The following PDE1C variants were observed in gnomAD, a reference collection of about 807,000 sequenced individuals.
PDE1C encodes phosphodiesterase 1C.
In PDE1C, 62 loss-of-function variants were observed where a neutral mutation model predicts 93.1. The ratio of observed to expected loss-of-function variants is 0.67; its 90% CI spans 0.54 to 0.82. PDE1C has a LOEUF of 0.82. Among genes scored for constraint, PDE1C ranks in the 40% least tolerant of loss-of-function variants. PDE1C has a pLI of 0.00. For missense variants in PDE1C, 742 were observed against 884.6 expected, an observed-to-expected ratio of 0.84 and a Z score of 2.04; for synonymous variants, 325 against 310.1, an observed-to-expected ratio of 1.05 and a Z score of -0.50.
chr7:32,010,090 T>C (rs773308242), intron 2 of PDE1C, among the ~76,000 whole-genome samples: 1 of 152,238 alleles, frequency 6.6e-6, no homozygotes, highest in Non-Finnish European at 1.5e-5. Context: ...GTTAAGATAT[T>C]ATCTCCTCAA....
At chr7:31,694,387 A>ACACACACACACACAC in the PDE1C span, among the ~76,000 whole-genome samples, 2 of 141,596 alleles carry the variant, frequency 1.4e-5, no homozygotes, top group Non-Finnish European at 3.1e-5. Flanking sequence ...CTCTCTCTCA[A>ACACACACACACACAC]ACACACACAC....
At chr7:31,991,863 C>G (rs532826925) in intron 2 of PDE1C, among the ~76,000 whole-genome samples, 1 of 152,290 alleles carries the variant, frequency 6.6e-6, no homozygotes, top group East Asian at 1.9e-4. Context: ...GCTTCCTTTT[C>G]CCTGGACACA....
At chr7:31,915,781 A>G (rs73308628) in intron 2 of PDE1C, among the ~76,000 whole-genome samples, 10,239 of 152,234 alleles carry the variant, frequency 0.067, 531 homozygotes, top group African/African-American at 0.15. Context: ...AAAGATTAAC[A>G]AGAGGAAAGC....
chr7:31,901,352 AC>A (rs1280814500), intron 2 of PDE1C, among the ~76,000 whole-genome samples: 2 of 151,652 alleles, frequency 1.3e-5, no homozygotes, highest in African/African-American at 4.8e-5. Context: ...AGGTTCAATA[AC>A]ATTTAAAAAT....
At chr7:31,850,605 C>T in intron 8 of PDE1C, 36 bp downstream of exon 8, 1 of 1,377,336 alleles carries the variant, frequency 7.3e-7, no homozygotes, top group Non-Finnish European at 1.0e-6. Flanking sequence ...TCTCTGACCC[C>T]TCTTGCCTCT....
At position 32,420,101 on chromosome 7, in the gene PDE1C, A is replaced by ATG. The variant is rs1177136177; in HGVS notation, c.310+7720_310+7721insCA. 1.6e-4 allele frequency among the ~76,000 whole-genome samples: 3 copies of ATG among 19,176 alleles called. 1 individual carries two copies. The allele number at this position is 19,176 out of a possible 152,430, so 12.6% of individuals were successfully genotyped here. ...TAGCCAGGTGTGGTGGCATATATAT[A>ATG]TATATATATATATATATATATATAC... On this transcript the variant is annotated intron_variant, in intron 1 of 1. Coordinates refer to the PDE1C transcript ENST00000672256.
rs1805842245 is a variant in PDE1C at position 32,209,362 on chromosome 7, G to T, written c.136+127C>A. 6.2e-5 allele frequency: 49 copies of T among 785,666 alleles called. No individual in the cohort carries two copies. The South Asian group carries it at 8.8e-4, about 14-fold the overall frequency. 48.7% of individuals were successfully genotyped at this position (785,666 alleles called of 1,614,324 possible). A position where few individuals can be genotyped will look rare whatever the true frequency, so the allele number is the denominator to read the frequency against. On this transcript the variant is annotated intron_variant, in intron 2 of 18. Coordinates refer to the PDE1C transcript ENST00000396193. ...GGCTCAAGTGGGATGTTAACCAGAT[G>T]ATATTTCCTGCATTACTATTTTATT... is the stretch of plus-strand genomic sequence containing the variant.
chr7:31,927,777 T>C (rs1803595351), intron 2 of PDE1C, among the ~76,000 whole-genome samples: 1 of 151,762 alleles, frequency 6.6e-6, no homozygotes, highest in Non-Finnish European at 1.5e-5. Context: ...AAAAACCCCA[T>C]CCAAAGGCCA....
Position 32,348,612 on chromosome 7 carries a change from C to T in PDE1C, c.310+79210G>A, listed in dbSNP as rs1783899193. Among the ~76,000 whole-genome samples, 3 of 152,090 alleles carry T rather than the reference C, an allele frequency of 2.0e-5. 1 individual carries two copies. In the South Asian group the frequency reaches 6.2e-4, roughly 32 times the overall value. ...TCTCCTGACCTTGTGATCCTCCTGA[C>T]TCGGCCTCCCAAAGTGCTGGGATTA... On this transcript the variant is annotated intron_variant, in intron 1 of 1. Coordinates refer to the PDE1C transcript ENST00000672256.
At chr7:32,143,314 T>C (rs758540704) in intron 3 of PDE1C, among the ~76,000 whole-genome samples, 4 of 150,578 alleles carry the variant, frequency 2.7e-5, no homozygotes, top group Non-Finnish European at 5.9e-5. Context: ...TGATCCCACA[T>C]ACGAGATGAC....
intron 1 of PDE1C, among the ~76,000 whole-genome samples, chr7:32,372,654 T>C (rs868563189): frequency 6.6e-6 from 1 of 152,196 alleles, no homozygotes; most frequent in South Asian, 2.1e-4. Context: ...TAAAATTTGC[T>C]GTACTTCGAA....
chr7:31,740,138 G>C, the PDE1C span, among the ~76,000 whole-genome samples: 2 of 151,212 alleles, frequency 1.3e-5, no homozygotes, highest in African/African-American at 2.5e-5. Context: ...TGAAGGGCTA[G>C]AATGTGGCAT....
intron 1 of PDE1C, among the ~76,000 whole-genome samples, chr7:32,254,641 C>T (rs942224559): frequency 6.6e-6 from 1 of 152,118 alleles, no homozygotes; most frequent in Non-Finnish European, 1.5e-5. Context: ...TTGGGGAAAT[C>T]GATGCAGAGT....
At chr7:32,388,338 TC>T (rs1255009055) in intron 1 of PDE1C, among the ~76,000 whole-genome samples, 12 of 152,282 alleles carry the variant, frequency 7.9e-5, no homozygotes, top group African/African-American at 2.2e-4. Flanking sequence ...GAAACTGCCA[TC>T]TTCTCTGGAG....
chr7:32,381,632 T>G (rs2128090365), intron 1 of PDE1C, among the ~76,000 whole-genome samples: 1 of 152,230 alleles, frequency 6.6e-6, no homozygotes, highest in Non-Finnish European at 1.5e-5. Context: ...CCATCCCAAT[T>G]TCCACATGGT....
intron 2 of PDE1C, among the ~76,000 whole-genome samples, chr7:32,015,442 G>T (rs1787763041): frequency 6.6e-6 from 1 of 152,022 alleles, no homozygotes; most frequent in Non-Finnish European, 1.5e-5. Context: ...TCAGTTAAGG[G>T]ACTACAAGTA....
intron 16 of PDE1C, among the ~76,000 whole-genome samples, chr7:31,794,742 A>C (rs1346964568): frequency 6.6e-6 from 1 of 151,986 alleles, no homozygotes; most frequent in Non-Finnish European, 1.5e-5. Flanking sequence ...GTGAGGGTAG[A>C]GTTAAGCACC....
At chr7:32,179,875 C>G (rs972718056) in intron 2 of PDE1C, among the ~76,000 whole-genome samples, 19 of 152,072 alleles carry the variant, frequency 1.2e-4, no homozygotes, top group East Asian at 1.9e-4. Context: ...CTGAGAAGCA[C>G]AGGGAAAGAA....
chr7:31,761,575 A>C (rs1794835195), intron 17 of PDE1C, among the ~76,000 whole-genome samples: 1 of 152,160 alleles, frequency 6.6e-6, no homozygotes, highest in Admixed American at 6.5e-5. Flanking sequence ...GAGTCTAGCC[A>C]GGCAAGCTCC....
Sources: allele counts gnomAD v4.1 joint callset (sites outside exome capture counted in the v4.1 genomes callset), GRCh38; gene constraint gnomAD v4.1.1; transcripts MANE v1.5; gene names NCBI Gene and HGNC (gene_info 2026-07-23, HGNC 2026-07-21).